Variants in TSC2 observed in about 807,000 individuals in gnomAD.
The protein encoded by TSC2 is TSC complex subunit 2, also known as tuberin.
TSC2 carries 29 observed loss-of-function variants against 202.2 expected under a neutral mutation model. That is an observed-to-expected ratio of 0.14 (90% confidence interval 0.11 to 0.20). The LOEUF is 0.20. Among genes scored for constraint, TSC2 ranks in the 10% least tolerant of loss-of-function variants. The pLI is 1.00. For missense variants in TSC2, 2,429 were observed against 2,420.0 expected, an observed-to-expected ratio of 1.00 and a Z score of -0.08; for synonymous variants, 1,349 against 1,044.0, an observed-to-expected ratio of 1.29 and a Z score of -5.63.
chr16:2,053,798 C>G (rs1421582015), intron 4 of TSC2: 1 of 525,028 alleles, frequency 1.9e-6, no homozygotes, highest in African/African-American at 1.9e-5. Flanking sequence ...GGGGCCACTC[C>G]CCTGCTCACT....
intron 32 of TSC2, 77 bp downstream of exon 32, chr16:2,082,581 C>G: frequency 6.6e-7 from 1 of 1,516,592 alleles, no homozygotes; most frequent in Middle Eastern, 1.7e-4. Flanking sequence ...TCGCCTCATC[C>G]GCCCACCCCC....
chr16:2,084,719 G>T lies in TSC2; in HGVS notation c.4493+4G>T. The T allele has an allele frequency of 1.3e-6, 2 of 1,598,466 alleles. No individual in the cohort carries two copies. Among genetic ancestry groups the T allele is most frequent in the Non-Finnish European group, 1.7e-6 (2 of 1,179,856 alleles). ...AAGTGCCAGGCATCAACCCCAGGTG[G>T]GCCTCTTGCTTCCGGGCGGGGCTCC... is the stretch of plus-strand genomic sequence containing the variant. On this transcript the variant is annotated splice_donor_region_variant and intron_variant, in intron 34 of 41. Coordinates refer to ENST00000219476, the MANE Select transcript of TSC2 (RefSeq NM_000548.5).
chr16:2,067,920 G>A (rs1439121269), intron 16 of TSC2, among the ~76,000 whole-genome samples: 1 of 152,230 alleles, frequency 6.6e-6, no homozygotes, highest in African/African-American at 2.4e-5. Context: ...CTTCTGCAGA[G>A]GGAAGGAAAG....
At chr16:2,064,008 T>C in intron 14 of TSC2, 1 of 552,470 alleles carries the variant, frequency 1.8e-6, no homozygotes. Context: ...CGGCTGCTCC[T>C]TGTGAGTTGT....
At chr16:2,050,508 A>G (rs757904162) in intron 3 of TSC2, 22 bp downstream of exon 3, 9 of 1,609,410 alleles carry the variant, frequency 5.6e-6, no homozygotes, top group East Asian at 2.2e-5. Context: ...CAGTTGAGCT[A>G]CTAGAGAGAG....
intron 17 of TSC2, 73 bp downstream of exon 17, chr16:2,070,651 C>A: frequency 6.2e-7 from 1 of 1,606,834 alleles, no homozygotes; most frequent in South Asian, 1.1e-5. Context: ...AGGTGTGGTT[C>A]CTGGAAGCTG....
chr16:2,070,876 A>G lies in TSC2; in HGVS notation c.1839+298A>G, dbSNP rs541201006. On this transcript the variant is annotated intron_variant, in intron 17 of 41. Transcript: ENST00000219476. ...ATGGCCCTGACGCTCCTGGTGCTGC[A>G]GAATCTGTGAAGGACCTGCAGCAGA... is the stretch of plus-strand genomic sequence containing the variant. 2.4e-4 allele frequency among the ~76,000 whole-genome samples: 37 copies of G among 152,312 alleles called. 1 individual carries two copies. In the South Asian group the frequency reaches 7.0e-3, roughly 29 times the overall value.
chr16:2,062,387 T>C (rs980560633), intron 12 of TSC2, 110 bp from the exon 13 acceptor site: 12 of 1,039,712 alleles, frequency 1.2e-5, no homozygotes, highest in Non-Finnish European at 1.7e-5. Flanking sequence ...GGCTGCAGGC[T>C]GTGAGGCGGC....
chr16:2,059,021 G>A, intron 10 of TSC2, 148 bp downstream of exon 10: 1 of 1,256,814 alleles, frequency 8.0e-7, no homozygotes, highest in East Asian at 2.6e-5. Flanking sequence ...TGGGGGTGAG[G>A]TTTGGGGCCC....
Position 2,071,498 on chromosome 16 carries a change from T to C in TSC2, c.1840-12T>C. The C allele has an allele frequency of 6.2e-7, 1 of 1,613,526 alleles. No individual in the cohort carries two copies. The highest frequency in any genetic ancestry group is 8.5e-7 in the Non-Finnish European group (1 of 1,179,996). On this transcript the variant is annotated splice_polypyrimidine_tract_variant and intron_variant, in intron 17 of 41. Transcript: ENST00000219476. Reference sequence around the variant, plus strand: ...AGCTTGGCTCTGGCTTTCACCATCCTCTTCCTGACAGGCCTTTGACTTCCT... The same window carrying C: ...AGCTTGGCTCTGGCTTTCACCATCCCCTTCCTGACAGGCCTTTGACTTCCT...
At chr16:2,087,564 G>A (rs1334115069) in intron 38 of TSC2, among the ~76,000 whole-genome samples, 1 of 152,096 alleles carries the variant, frequency 6.6e-6, no homozygotes, top group Non-Finnish European at 1.5e-5. Flanking sequence ...TCATGGCTGG[G>A]CAGACGGATT....
chr16:2,055,207 G>A (rs574389943), intron 5 of TSC2, 195 bp from the exon 6 acceptor site: 13 of 658,914 alleles, frequency 2.0e-5, no homozygotes, highest in East Asian at 8.2e-5. Context: ...CCTAGTGTCC[G>A]TGCGTAGCCG....
At chr16:2,064,468 G>C (rs919008906) in intron 15 of TSC2, 41 bp downstream of exon 15, 7 of 1,611,268 alleles carry the variant, frequency 4.3e-6, no homozygotes, top group Non-Finnish European at 5.9e-6. Context: ...TAGCGTGCCA[G>C]AGCTCCGTGG....
intron 20 of TSC2, 89 bp from the exon 21 acceptor site, chr16:2,072,760 G>A: frequency 6.2e-7 from 1 of 1,603,536 alleles, no homozygotes; most frequent in East Asian, 2.2e-5. Context: ...CCTTTCCTGG[G>A]CCTGCGTTCC....
In TSC2 at chr16:2,080,669, A is replaced by C. The variant is rs559180647; in HGVS notation, c.3610+292A>C. The C allele has an allele frequency of 3.8e-4, 156 of 412,722 alleles. 1 individual carries two copies. The highest frequency in any genetic ancestry group is 6.4e-4 in the Non-Finnish European group (141 of 219,608). The allele number at this position is 412,722 out of a possible 1,614,324, so 25.6% of individuals were successfully genotyped here. On this transcript the variant is annotated intron_variant, in intron 30 of 41. Transcript: ENST00000219476. Reference sequence around the variant, plus strand: ...TGGCCAATTTTTTTGTATTTCTAGTAGAGATGGGGTTTCACTGTGTTAGCC... The same window carrying C: ...TGGCCAATTTTTTTGTATTTCTAGTCGAGATGGGGTTTCACTGTGTTAGCC...
chr16:2,048,480 A>G (rs1057316220), intron 1 of TSC2, 107 bp from the exon 2 acceptor site: 9 of 1,397,194 alleles, frequency 6.4e-6, no homozygotes, highest in South Asian at 1.2e-5. Context: ...GTGGGAGGAA[A>G]GGTTATGCCC....
At position 2,056,133 on chromosome 16, in the gene TSC2, C is replaced by T. The variant is rs749498694; in HGVS notation, c.600-63C>T. 8 of 1,605,310 alleles carry T rather than the reference C, an allele frequency of 5.0e-6. No homozygotes were observed. The African/African-American group carries it at 6.7e-5, about 13-fold the overall frequency. ...TTGACGTCATAGAGTGACTAGACCA[C>T]AGCCCGTGGTGGCTCGGCCATCCAG... On this transcript the variant is annotated intron_variant, in intron 6 of 41. Transcript: ENST00000219476.
chr16:2,048,926 G>A (rs1367963012), intron 2 of TSC2, among the ~76,000 whole-genome samples, 173 bp downstream of exon 2: 2 of 152,158 alleles, frequency 1.3e-5, no homozygotes, highest in African/African-American at 4.8e-5. Flanking sequence ...CGAAAGTCAG[G>A]ATCTTGGTGA....
intron 16 of TSC2, 87 bp downstream of exon 16, chr16:2,065,722 C>T (rs550429308): frequency 2.8e-5 from 33 of 1,176,426 alleles, no homozygotes; most frequent in Middle Eastern, 2.6e-4. Context: ...GAGTCTGTTC[C>T]CCAGCGGGAC....
Sources: allele counts gnomAD v4.1 joint callset (sites outside exome capture counted in the v4.1 genomes callset), GRCh38; gene constraint gnomAD v4.1.1; transcripts MANE v1.5; gene names NCBI Gene and HGNC (gene_info 2026-07-23, HGNC 2026-07-21).